The following CADPS2 variants were observed in gnomAD, a reference collection of about 807,000 sequenced individuals.
CADPS2 encodes calcium dependent secretion activator 2.
In CADPS2, 93 loss-of-function variants were observed where a neutral mutation model predicts 172.5. The ratio of observed to expected loss-of-function variants is 0.54; its 90% CI spans 0.46 to 0.64. The LOEUF is 0.64. Ranked by LOEUF, CADPS2 falls within the 30% of genes least tolerant of loss-of-function variation. The pLI is 0.00. For synonymous variants in CADPS2, 546 were observed against 555.2 expected (o/e 0.98, Z 0.23); for missense variants, 1,420 against 1,565.9 (o/e 0.91, Z 1.57).
intron 3 of CADPS2, among the ~76,000 whole-genome samples, chr7:122,662,705 A>G (rs1168839567): frequency 1.3e-5 from 2 of 152,104 alleles, no homozygotes; most frequent in Non-Finnish European, 2.9e-5. Flanking sequence ...AACTAGAATA[A>G]CAACTGAAGA....
At chr7:122,551,634 T>C (rs1022384507) in intron 8 of CADPS2, among the ~76,000 whole-genome samples, 6 of 152,026 alleles carry the variant, frequency 3.9e-5, no homozygotes, top group Non-Finnish European at 7.4e-5. Flanking sequence ...AAGATAAAAA[T>C]CCATTATCCT....
At chr7:122,603,000 G>A (rs997309147) in intron 6 of CADPS2, among the ~76,000 whole-genome samples, 3 of 151,974 alleles carry the variant, frequency 2.0e-5, no homozygotes, top group South Asian at 2.1e-4. Context: ...ACAACTGCAG[G>A]CTATTATGCT....
In CADPS2 at chr7:122,652,924, T is replaced by C. The variant is rs560109420; in HGVS notation, c.786+10313A>G. Among the ~76,000 whole-genome samples, 8 of 152,326 alleles carry C rather than the reference T, an allele frequency of 5.3e-5. No individual in the cohort carries two copies. In the South Asian group the frequency reaches 1.7e-3, roughly 32 times the overall value. On this transcript the variant is annotated intron_variant, in intron 3 of 29. Transcript: ENST00000449022. ...CTTAGTGTTTTAAAAGTTTCCTTCA[T>C]GCCTTAATGTTGATAATTAATATGT...
chr7:122,486,970 C>T (rs1303326409), intron 11 of CADPS2, among the ~76,000 whole-genome samples: 1 of 150,208 alleles, frequency 6.7e-6, no homozygotes, highest in African/African-American at 2.5e-5. Flanking sequence ...AGACATGATG[C>T]TAGTGCATGC....
chr7:122,569,440 A>C (rs1294647209), intron 7 of CADPS2, among the ~76,000 whole-genome samples: 3 of 152,006 alleles, frequency 2.0e-5, no homozygotes, highest in African/African-American at 7.3e-5. Flanking sequence ...CAATACCGTG[A>C]AAATGGCCAT....
chr7:122,879,180 T>C (rs897745960), intron 1 of CADPS2, among the ~76,000 whole-genome samples: 8 of 147,604 alleles, frequency 5.4e-5, no homozygotes, highest in Admixed American at 1.4e-4. Flanking sequence ...GAGGTTGCAG[T>C]GAGCCAACAT....
chr7:122,491,493 A>T, intron 9 of CADPS2, 73 bp from the exon 10 acceptor site: 2 of 686,708 alleles, frequency 2.9e-6, no homozygotes, highest in South Asian at 4.5e-5. Flanking sequence ...TTTTTTATCA[A>T]AATACTCTTT....
chr7:122,411,079 C>CCTAT (rs2047246768), intron 19 of CADPS2, among the ~76,000 whole-genome samples: 1 of 152,020 alleles, frequency 6.6e-6, no homozygotes, highest in Non-Finnish European at 1.5e-5. Context: ...TGGCACACTG[C>CCTAT]CTATCATCTC....
intron 1 of CADPS2, among the ~76,000 whole-genome samples, chr7:122,760,246 A>T (rs1272920850): frequency 2.0e-5 from 3 of 152,122 alleles, no homozygotes; most frequent in African/African-American, 7.2e-5. Context: ...GTAAAAAAAG[A>T]TGAAAATAAA....
chr7:122,847,761 C>T (rs940806419), intron 1 of CADPS2, among the ~76,000 whole-genome samples: 2 of 152,086 alleles, frequency 1.3e-5, no homozygotes, highest in African/African-American at 2.4e-5. Context: ...GTTACTGCTC[C>T]GAACTCATAC....
At chr7:122,841,815 T>A (rs911677599) in intron 1 of CADPS2, among the ~76,000 whole-genome samples, 1 of 151,226 alleles carries the variant, frequency 6.6e-6, no homozygotes. Flanking sequence ...AATAAAAGTT[T>A]AGTACTGTAT....
chr7:122,839,789 G>A (rs551557964), intron 1 of CADPS2, among the ~76,000 whole-genome samples: 149 of 152,320 alleles, frequency 9.8e-4, no homozygotes, highest in African/African-American at 3.4e-3. Context: ...AACAGGTGCT[G>A]GAGAGGATGT....
At chr7:122,342,893 C>A (rs2036997339) in intron 28 of CADPS2, among the ~76,000 whole-genome samples, 1 of 152,140 alleles carries the variant, frequency 6.6e-6, no homozygotes, top group Admixed American at 6.5e-5. Flanking sequence ...GCTAAGGTTG[C>A]TAACAGTATT....
At chr7:122,608,174 C>A (rs2073831904) in intron 6 of CADPS2, among the ~76,000 whole-genome samples, 1 of 150,094 alleles carries the variant, frequency 6.7e-6, no homozygotes, top group African/African-American at 2.5e-5. Flanking sequence ...TGTGAGTGCA[C>A]CATTGCACTC....
At chr7:122,799,518 G>A (rs1389256202) in intron 1 of CADPS2, among the ~76,000 whole-genome samples, 1 of 151,426 alleles carries the variant, frequency 6.6e-6, no homozygotes, top group African/African-American at 2.4e-5. Flanking sequence ...CGGGAGAATG[G>A]CGTGAACCCC....
intron 1 of CADPS2, among the ~76,000 whole-genome samples, chr7:122,868,659 A>G (rs2501444): frequency 0.21 from 31,728 of 152,148 alleles, 4,165 homozygotes; most frequent in African/African-American, 0.37. Context: ...AAACCAACAC[A>G]GAGAGTCAAG....
intron 7 of CADPS2, among the ~76,000 whole-genome samples, chr7:122,575,839 C>T (rs185190497): frequency 2.6e-5 from 4 of 152,150 alleles, no homozygotes; most frequent in Non-Finnish European, 5.9e-5. Context: ...AGACGTTTTA[C>T]GTTTTAGAAT....
chr7:122,397,087 G>A (rs758994542), intron 20 of CADPS2, among the ~76,000 whole-genome samples: 21 of 151,890 alleles, frequency 1.4e-4, no homozygotes, highest in Non-Finnish European at 2.1e-4. Flanking sequence ...GTACAAGATC[G>A]GACTGCTAAA....
intron 27 of CADPS2, among the ~76,000 whole-genome samples, chr7:122,349,862 G>A (rs1013234963): frequency 2.0e-5 from 3 of 152,136 alleles, no homozygotes; most frequent in Non-Finnish European, 4.4e-5. Context: ...TGGGTAGATG[G>A]GTGCAACACT....
Sources: gnomAD v4.1 joint callset for allele counts (sites outside exome capture counted in the v4.1 genomes callset) on GRCh38, gnomAD v4.1.1 for gene constraint, MANE v1.5 for transcripts, NCBI Gene and HGNC (gene_info 2026-07-23, HGNC 2026-07-21) for gene names.